CPM: variants seen among roughly 807,000 people sequenced by gnomAD.
The protein encoded by CPM is carboxypeptidase M.
In CPM, 35 loss-of-function variants were observed where a neutral mutation model predicts 46.4. The ratio of observed to expected loss-of-function variants is 0.75; its 90% CI spans 0.58 to 1.00. The LOEUF is 1.00. Among genes scored for constraint, CPM ranks in the 50% least tolerant of loss-of-function variants. The pLI is 0.00. For synonymous variants in CPM, 195 were observed against 195.3 expected (o/e 1.00, Z 0.01); for missense variants, 422 against 530.4 (o/e 0.80, Z 2.01).
At chr12:68,958,844 T>A (rs1480771215) in intron 1 of CPM, among the ~76,000 whole-genome samples, 1 of 152,178 alleles carries the variant, frequency 6.6e-6, no homozygotes, top group African/African-American at 2.4e-5. Context: ...TTGGTAACAC[T>A]ATGTTATAGC....
At chr12:68,937,197 G>A (rs1888686620), upstream of CPM, among the ~76,000 whole-genome samples, 1 of 152,210 alleles carries the variant, frequency 6.6e-6, no homozygotes, top group Admixed American at 6.5e-5. Flanking sequence ...GAAGTAATTT[G>A]AAGATGTGTT....
chr12:68,865,257 C>T (rs918993561), intron 7 of CPM, among the ~76,000 whole-genome samples: 4 of 152,150 alleles, frequency 2.6e-5, no homozygotes, highest in South Asian at 2.1e-4. Flanking sequence ...TGAGAAAGAA[C>T]GATATTTCAT....
At position 68,856,569 on chromosome 12, in the gene CPM, C is replaced by T; in HGVS notation, c.1200G>A (p.Leu400=). 2 of 1,614,192 alleles carry T rather than the reference C, an allele frequency of 1.2e-6. No homozygotes were observed. Among genetic ancestry groups the T allele is most frequent in the East Asian group, 2.2e-5 (1 of 44,896 alleles). The change falls in exon 9 of 9, where the codon TTG becomes TTA. Residue 400 remains leucine (L), a synonymous_variant. Transcript: ENST00000551568. Reference sequence around the variant, plus strand: ...AAGGATTTGATACTGGGATAGAATCCAATTGCCCTTGGAATGGAAGTAGAA... The same window carrying T: ...AAGGATTTGATACTGGGATAGAATCTAATTGCCCTTGGAATGGAAGTAGAA... The part of the protein sequence containing the change: ...KDILLPFQGQ[L]DSIPVSNPSC...
chr12:68,934,776 T>C (rs887193907), upstream of CPM, among the ~76,000 whole-genome samples: 3 of 152,238 alleles, frequency 2.0e-5, no homozygotes, highest in African/African-American at 7.2e-5. Flanking sequence ...GAAGTCTTAA[T>C]TGTACCTACC....
chr12:68,931,296 C>G (rs1454050438), intron 2 of CPM, among the ~76,000 whole-genome samples: 2 of 152,050 alleles, frequency 1.3e-5, no homozygotes, highest in Non-Finnish European at 2.9e-5. Flanking sequence ...TCAATTGACT[C>G]AAAAGTTCAG....
Position 68,862,721 on chromosome 12 carries a change from A to G in CPM, c.941-3650T>C, listed in dbSNP as rs948143170. Reference sequence around the variant, plus strand: ...TGTCTTTACAATATTTTGTCTACATACCACCAAACCTTTTACTTAAGAGGG... The same window carrying G: ...TGTCTTTACAATATTTTGTCTACATGCCACCAAACCTTTTACTTAAGAGGG... On this transcript the variant is annotated intron_variant, in intron 7 of 8. Transcript: ENST00000551568. Among the ~76,000 whole-genome samples the G allele has an allele frequency of 2.2e-5, 2 of 92,582 alleles. 1 individual carries two copies. Among genetic ancestry groups the G allele is most frequent in the Admixed American group, 2.1e-4 (2 of 9,466 alleles). 60.7% of individuals were successfully genotyped at this position (92,582 alleles called of 152,430 possible).
chr12:68,919,885 G>A (rs1887962922), intron 2 of CPM, among the ~76,000 whole-genome samples: 1 of 152,166 alleles, frequency 6.6e-6, no homozygotes, highest in Non-Finnish European at 1.5e-5. Context: ...TATTAGTAAG[G>A]TGTGAATAGT....
At chr12:68,884,249 C>CA (rs1248465863) in intron 3 of CPM, among the ~76,000 whole-genome samples, 1 of 152,000 alleles carries the variant, frequency 6.6e-6, no homozygotes, top group Non-Finnish European at 1.5e-5. Context: ...TAACTTTGGT[C>CA]AGACTCCTTG....
chr12:68,937,803 C>T (rs1295872319), upstream of CPM, among the ~76,000 whole-genome samples: 1 of 152,118 alleles, frequency 6.6e-6, no homozygotes, highest in Non-Finnish European at 1.5e-5. Flanking sequence ...AGTTTTTCCA[C>T]CAAACATGCA....
intron 1 of CPM, chr12:68,957,689 G>GATTATTCTTATT (rs1889045513): frequency 6.6e-6 from 1 of 151,640 alleles, no homozygotes; most frequent in Admixed American, 6.6e-5. Context: ...CTAAAAAGGG[G>GATTATTCTTATT]ATTATTATTA....
intron 7 of CPM, among the ~76,000 whole-genome samples, chr12:68,861,291 G>A (rs2136219543): frequency 6.6e-6 from 1 of 152,268 alleles, no homozygotes; most frequent in Admixed American, 6.5e-5. Flanking sequence ...GTTCCACAAA[G>A]CAGGAATATG....
At chr12:68,961,761 A>AACAG (rs1412431291) in intron 1 of CPM, among the ~76,000 whole-genome samples, 4 of 42,382 alleles carry the variant, frequency 9.4e-5, no homozygotes, top group African/African-American at 2.1e-4. Context: ...TAAATAAACA[A>AACAG]ACAGACAAAC....
rs759422203 is a variant in CPM at position 68,858,910 on chromosome 12, A to G, written c.1089+13T>C. The stretch of plus-strand genomic sequence containing the variant: ...TAATATTTTAATAACAATAACTAGC[A>G]TTGCATACTTACATTTATTATATAA... On this transcript the variant is annotated intron_variant, in intron 8 of 8. Coordinates refer to ENST00000551568, the MANE Select transcript of CPM (RefSeq NM_198320.5). 2 of 1,415,892 alleles carry G rather than the reference A, an allele frequency of 1.4e-6. No individual in the cohort carries two copies. The highest frequency in any genetic ancestry group is 1.7e-5 in the South Asian group (1 of 60,220). The allele number at this position is 1,415,892 out of a possible 1,614,324, so 87.7% of individuals were successfully genotyped here. A position where few individuals can be genotyped will look rare whatever the true frequency, so the allele number is the denominator to read the frequency against.
chr12:68,896,063 C>A (rs1886861707), intron 2 of CPM, among the ~76,000 whole-genome samples: 1 of 152,200 alleles, frequency 6.6e-6, no homozygotes, highest in Admixed American at 6.5e-5. Context: ...GGGTTTCCCA[C>A]CCCAATCCCA....
chr12:68,955,318 C>G (rs1283430931), intron 1 of CPM, among the ~76,000 whole-genome samples: 1 of 152,162 alleles, frequency 6.6e-6, no homozygotes, highest in East Asian at 1.9e-4. Context: ...ATTTGTAAAA[C>G]AAAGTACTCA....
intron 7 of CPM, among the ~76,000 whole-genome samples, chr12:68,863,313 C>G (rs1885290527): frequency 6.6e-6 from 1 of 152,192 alleles, no homozygotes; most frequent in South Asian, 2.1e-4. Flanking sequence ...AGGGCCGCAG[C>G]AGGCAGGTAA....
intron 4 of CPM, among the ~76,000 whole-genome samples, chr12:68,870,713 C>T (rs1218723672): frequency 2.0e-5 from 3 of 152,216 alleles, no homozygotes; most frequent in South Asian, 2.1e-4. Context: ...ATGGTCGCCA[C>T]GTGGAGAGTC....
intron 1 of CPM, among the ~76,000 whole-genome samples, chr12:68,959,867 C>G (rs1215739239): frequency 1.3e-5 from 2 of 152,198 alleles, no homozygotes; most frequent in Non-Finnish European, 2.9e-5. Flanking sequence ...TGCTATATCC[C>G]CAGGCGTCTC....
intron 3 of CPM, among the ~76,000 whole-genome samples, chr12:68,872,464 G>T (rs1247364909): frequency 6.6e-6 from 1 of 152,116 alleles, no homozygotes; most frequent in Non-Finnish European, 1.5e-5. Flanking sequence ...TGTTGGCCAG[G>T]CTGGTCTTGA....
Sources: allele counts gnomAD v4.1 joint callset (sites outside exome capture counted in the v4.1 genomes callset), GRCh38; gene constraint gnomAD v4.1.1; transcripts MANE v1.5; gene names NCBI Gene and HGNC (gene_info 2026-07-23, HGNC 2026-07-21).